ACAP2: variants seen among roughly 807,000 people sequenced by gnomAD.
ACAP2 encodes the protein ArfGAP with coiled-coil, ankyrin repeat and PH domains 2, also known as arf-GAP with coiled-coil, ANK repeat and PH domain-containing protein 2.
A neutral mutation model predicts 115.8 loss-of-function variants in ACAP2; 39 were observed. That is an observed-to-expected ratio of 0.34 (90% confidence interval 0.26 to 0.44). The LOEUF (loss-of-function observed/expected upper bound fraction) is 0.44. Among genes scored for constraint, ACAP2 ranks in the 20% least tolerant of loss-of-function variants. The probability of loss-of-function intolerance (pLI) is 1.00; values close to 1 mark genes in which losing one functional copy is unlikely to be tolerated. For missense variants in ACAP2, 662 were observed against 927.6 expected (o/e 0.71, Z 3.72); for synonymous variants, 289 against 315.8 (o/e 0.92, Z 0.90).
At chr3:195,324,956 A>G (rs191085119) in intron 9 of ACAP2, among the ~76,000 whole-genome samples, 6 of 152,298 alleles carry the variant, frequency 3.9e-5, no homozygotes, top group African/African-American at 9.6e-5. Context: ...AGCCTGGTGG[A>G]AAAATGAGAG....
At position 195,278,200 on chromosome 3, in the gene ACAP2, CAG is replaced by C. The variant is rs1371545741; in HGVS notation, c.*1126_*1127del. ...TGTTTATCCATAATATTTTGGAATT[CAG>C]GGGTCTGTGAATCATGTAACCGAAT... On this transcript the variant is annotated 3_prime_UTR_variant, in exon 23 of 23. Transcript: ENST00000326793. 4 of 151,606 alleles carry C rather than the reference CAG, an allele frequency of 2.6e-5. No homozygotes were observed. The highest frequency in any genetic ancestry group is 4.4e-5 in the Non-Finnish European group (3 of 67,934). 9.4% of individuals were successfully genotyped at this position (151,606 alleles called of 1,614,324 possible).
At chr3:195,433,506 C>A (rs1448342949) in intron 1 of ACAP2, among the ~76,000 whole-genome samples, 1 of 152,198 alleles carries the variant, frequency 6.6e-6, no homozygotes, top group African/African-American at 2.4e-5. Flanking sequence ...GAAGTGGTGA[C>A]AGGCTTCTTG....
At chr3:195,325,441 T>TTTTCTTTTA in intron 9 of ACAP2, 1 of 414,428 alleles carries the variant, frequency 2.4e-6, no homozygotes. Context: ...TTTTTTTTTT[T>TTTTCTTTTA]ACCTGTAACG....
At chr3:195,322,744 C>A (rs1560241840) in intron 9 of ACAP2, among the ~76,000 whole-genome samples, 1 of 152,196 alleles carries the variant, frequency 6.6e-6, no homozygotes, top group African/African-American at 2.4e-5. Flanking sequence ...TCATTTGTAA[C>A]ATCTGCAGTT....
chr3:195,282,184 C>G (rs1361032615), intron 22 of ACAP2: 1 of 152,150 alleles, frequency 6.6e-6, no homozygotes, highest in African/African-American at 2.4e-5. Flanking sequence ...TAAATGGTTT[C>G]TCCGGTTTTG....
rs1434287896 is a variant in ACAP2, at chr3:195,381,997, A to G, written c.137T>C (p.Ile46Thr). The change falls in exon 3 of 23, where the codon ATT becomes ACT. Residue 46 changes from isoleucine to threonine, a missense_variant. Coordinates refer to ENST00000326793, the MANE Select transcript of ACAP2 (RefSeq NM_012287.6). ...AACACAAAAGGCTTTTCCAGTATCA[A>G]TCATTGCAATACAAAGTTTCACAAG... is the stretch of plus-strand genomic sequence containing the variant. ...DKLVKLCIAMIDTGKAFCVAN... is the reference protein window; with the variant it reads ...DKLVKLCIAMTDTGKAFCVAN... 1 of 1,607,256 alleles carries G rather than the reference A, an allele frequency of 6.2e-7. No individual in the cohort carries two copies. The highest frequency in any genetic ancestry group is 1.3e-5 in the African/African-American group (1 of 74,390).
chr3:195,403,315 T>C (rs750011255), intron 1 of ACAP2, among the ~76,000 whole-genome samples: 2 of 152,234 alleles, frequency 1.3e-5, no homozygotes, highest in African/African-American at 4.8e-5. Flanking sequence ...CAGAACCTTG[T>C]AGGCCCATAG....
At chr3:195,408,943 A>G (rs2131682) in intron 1 of ACAP2, among the ~76,000 whole-genome samples, 9,468 of 152,252 alleles carry the variant, frequency 0.062, 567 homozygotes, top group Admixed American at 0.2. Flanking sequence ...AAAGGAAACT[A>G]CTTCAACATA....
intron 4 of ACAP2, among the ~76,000 whole-genome samples, chr3:195,346,248 G>C (rs1731181257): frequency 1.3e-5 from 2 of 152,194 alleles, no homozygotes; most frequent in South Asian, 4.1e-4. Context: ...GCAGAAGAAA[G>C]AAAATAATAA....
At chr3:195,416,816 G>C (rs1339143139) in intron 1 of ACAP2, among the ~76,000 whole-genome samples, 1 of 152,162 alleles carries the variant, frequency 6.6e-6, no homozygotes, top group Non-Finnish European at 1.5e-5. Flanking sequence ...CAAAAGAGCA[G>C]CTCTTTCAAC....
intron 5 of ACAP2, 177 bp from the exon 6 acceptor site, chr3:195,342,831 TA>T: frequency 2.3e-6 from 1 of 443,286 alleles, no homozygotes; most frequent in Non-Finnish European, 4.0e-6. Context: ...CCATCTCTAC[TA>T]AAAATACAAA....
intron 5 of ACAP2, among the ~76,000 whole-genome samples, chr3:195,343,027 A>G (rs1351458198): frequency 6.6e-6 from 1 of 152,002 alleles, no homozygotes; most frequent in East Asian, 1.9e-4. Context: ...AATAACATTT[A>G]GAATTGAATT....
chr3:195,301,604 A>G lies in ACAP2; in HGVS notation c.1366T>C (p.Leu456=), dbSNP rs1435934819. 6.2e-6 allele frequency: 10 copies of G among 1,613,400 alleles called. No homozygotes were observed. In the South Asian group the frequency reaches 9.9e-5, roughly 16 times the overall value. Reference sequence around the variant, plus strand: ...AAAAGTTCTGGCTCCCAGGTGTCTAAAGTTAAAGATCGTACTTTTGAAAAA... The same window carrying G: ...AAAAGTTCTGGCTCCCAGGTGTCTAGAGTTAAAGATCGTACTTTTGAAAAA... ...VHFSKVRSLT[L]DTWEPELLKL... The change falls in exon 15 of 23, where the codon TTA becomes CTA. Residue 456 remains leucine (L), a synonymous_variant. Coordinates refer to ENST00000326793, the MANE Select transcript of ACAP2 (RefSeq NM_012287.6).
intron 1 of ACAP2, among the ~76,000 whole-genome samples, chr3:195,402,400 A>C (rs887042960): frequency 1.1e-4 from 16 of 152,176 alleles, no homozygotes; most frequent in Non-Finnish European, 2.1e-4. Context: ...TCTCCAGAAA[A>C]AAATAAAAGA....
At position 195,411,419 on chromosome 3, in the gene ACAP2, C is replaced by T. The variant is rs187545593; in HGVS notation, c.54-19272G>A. ...AGAAAAATGGATAAGCACAACATGA[C>T]GTGTGCATATAATAGAATACGCATC... On this transcript the variant is annotated intron_variant, in intron 1 of 22. Coordinates refer to ENST00000326793, the MANE Select transcript of ACAP2 (RefSeq NM_012287.6). Among the ~76,000 whole-genome samples the T allele has an allele frequency of 3.8e-3, 581 of 152,208 alleles. 4 individuals carry two copies. Among genetic ancestry groups the T allele is most frequent in the Non-Finnish European group, 3.6e-3 (246 of 68,012 alleles).
intron 2 of ACAP2, among the ~76,000 whole-genome samples, chr3:195,389,607 T>G (rs1421779142): frequency 6.6e-6 from 1 of 152,192 alleles, no homozygotes; most frequent in African/African-American, 2.4e-5. Flanking sequence ...ATATTTTCTG[T>G]TGTCTACTTT....
At chr3:195,393,066 G>A (rs1320856883) in intron 1 of ACAP2, among the ~76,000 whole-genome samples, 2 of 152,192 alleles carry the variant, frequency 1.3e-5, no homozygotes, top group Non-Finnish European at 2.9e-5. Context: ...AACAAGCATG[G>A]TGGCTCACAC....
intron 10 of ACAP2, 50 bp from the exon 11 acceptor site, chr3:195,308,887 ATTG>A: frequency 6.7e-7 from 1 of 1,494,796 alleles, no homozygotes; most frequent in Non-Finnish European, 9.2e-7. Flanking sequence ...ATTTATTTCC[ATTG>A]TTGTTAGAAA....
At chr3:195,294,074 G>A (rs989982014) in intron 18 of ACAP2, among the ~76,000 whole-genome samples, 2 of 152,034 alleles carry the variant, frequency 1.3e-5, no homozygotes, top group African/African-American at 4.8e-5. Context: ...GGGAGGTGGG[G>A]CTTGCAGTAA....
Sources: allele counts gnomAD v4.1 joint callset (sites outside exome capture counted in the v4.1 genomes callset), GRCh38; gene constraint gnomAD v4.1.1; transcripts MANE v1.5; gene names NCBI Gene and HGNC (gene_info 2026-07-23, HGNC 2026-07-21).